The following SMYD3 variants were observed in gnomAD, a reference collection of about 807,000 sequenced individuals.
SMYD3 encodes histone-lysine N-methyltransferase SMYD3.
In SMYD3, 36 loss-of-function variants were observed where a neutral mutation model predicts 57.7. That is an observed-to-expected ratio of 0.62 (90% confidence interval 0.48 to 0.82). The LOEUF is 0.82. SMYD3 is among the 40% of genes least tolerant of loss of function. The pLI, the probability that SMYD3 is intolerant of heterozygous loss-of-function variation, is 0.00. For missense variants in SMYD3, 515 were observed against 538.8 expected (o/e 0.96, Z 0.44); for synonymous variants, 211 against 195.0 (o/e 1.08, Z -0.68).
intron 5 of SMYD3, among the ~76,000 whole-genome samples, chr1:246,028,518 T>A (rs1042400761): frequency 6.6e-6 from 1 of 152,008 alleles, no homozygotes; most frequent in Non-Finnish European, 1.5e-5. Flanking sequence ...AACAATAAAT[T>A]TATTGAAGGA....
chr1:246,023,647 G>T (rs552803662), intron 5 of SMYD3, among the ~76,000 whole-genome samples: 2 of 152,238 alleles, frequency 1.3e-5, no homozygotes, highest in South Asian at 4.1e-4. Flanking sequence ...TGAAGCTCTT[G>T]CTTTCCACTT....
chr1:246,270,303 T>G (rs4654231), intron 5 of SMYD3, among the ~76,000 whole-genome samples: 50,750 of 152,104 alleles, frequency 0.33, 9,347 homozygotes, highest in East Asian at 0.72. Flanking sequence ...TTTTCATTTT[T>G]TATTGCAATA....
intron 5 of SMYD3, among the ~76,000 whole-genome samples, chr1:246,155,903 C>T (rs538069716): frequency 6.6e-6 from 1 of 152,138 alleles, no homozygotes; most frequent in Non-Finnish European, 1.5e-5. Flanking sequence ...AGGAGAATCG[C>T]TTGAATCTCA....
intron 5 of SMYD3, among the ~76,000 whole-genome samples, chr1:246,244,028 TA>T (rs2063663456): frequency 6.6e-6 from 1 of 151,590 alleles, no homozygotes; most frequent in Non-Finnish European, 1.5e-5. Context: ...TATGTGTATA[TA>T]TATATTTTAA....
chr1:246,155,954 T>A (rs1212321550), intron 5 of SMYD3, among the ~76,000 whole-genome samples: 1 of 151,628 alleles, frequency 6.6e-6, no homozygotes, highest in Non-Finnish European at 1.5e-5. Context: ...GCCACTGTAC[T>A]CCAGCCTGGG....
rs113998325 is a variant in SMYD3, at chr1:246,282,058, C to T, written c.531+45143G>A. On this transcript the variant is annotated intron_variant, in intron 5 of 11. Transcript: ENST00000490107. ...TGATGTGAAAAATAGTTCTGCAAGA[C>T]GGGGACTATGTGAATCCAGTTTTAA... Among the ~76,000 whole-genome samples the T allele has an allele frequency of 6.0e-3, 916 of 152,018 alleles. 11 individuals carry two copies. Among genetic ancestry groups the T allele is most frequent in the African/African-American group, 0.021 (852 of 41,468 alleles).
chr1:246,100,528 C>T (rs1286645528), intron 5 of SMYD3, among the ~76,000 whole-genome samples: 1 of 152,174 alleles, frequency 6.6e-6, no homozygotes, highest in Admixed American at 6.5e-5. Flanking sequence ...TTCCCTCCTC[C>T]CTGACTGCTT....
chr1:246,122,081 C>T (rs1219790102), intron 5 of SMYD3, among the ~76,000 whole-genome samples: 1 of 151,766 alleles, frequency 6.6e-6, no homozygotes, highest in African/African-American at 2.4e-5. Context: ...AAAAAAGAAT[C>T]TCCAATATTC....
intron 5 of SMYD3, among the ~76,000 whole-genome samples, chr1:246,190,859 C>CATCAA (rs1266460316): frequency 6.6e-6 from 1 of 151,940 alleles, no homozygotes; most frequent in East Asian, 1.9e-4. Context: ...CAAAGTAGAA[C>CATCAA]AGAAGAAGGA....
chr1:245,846,718 T>C (rs905851722), intron 10 of SMYD3, among the ~76,000 whole-genome samples: 1 of 152,158 alleles, frequency 6.6e-6, no homozygotes, highest in African/African-American at 2.4e-5. Context: ...CAATTACTTT[T>C]CAGTTAAAGA....
At chr1:246,239,329 T>C (rs2063563768) in intron 5 of SMYD3, among the ~76,000 whole-genome samples, 1 of 152,152 alleles carries the variant, frequency 6.6e-6, no homozygotes, top group African/African-American at 2.4e-5. Flanking sequence ...TTCCCACCTA[T>C]GAGTGAGAAC....
At chr1:245,752,640 G>A (rs2045440022) in intron 11 of SMYD3, among the ~76,000 whole-genome samples, 1 of 152,184 alleles carries the variant, frequency 6.6e-6, no homozygotes, top group South Asian at 2.1e-4. Flanking sequence ...CACTGATCCA[G>A]TATATTCCTG....
At chr1:245,927,852 AT>A (rs1179215901) in intron 7 of SMYD3, 78 bp downstream of exon 7, 2 of 1,124,728 alleles carry the variant, frequency 1.8e-6, no homozygotes, top group East Asian at 5.0e-5. Context: ...CTCAGGCACA[AT>A]CAGTTTTAGG....
At chr1:246,117,716 T>C (rs1024456006) in intron 5 of SMYD3, among the ~76,000 whole-genome samples, 6 of 152,218 alleles carry the variant, frequency 3.9e-5, no homozygotes, top group Non-Finnish European at 8.8e-5. Context: ...AGGGTACATG[T>C]GCAGGATGTG....
intron 5 of SMYD3, among the ~76,000 whole-genome samples, chr1:245,935,258 A>G (rs574517692): frequency 8.5e-5 from 13 of 152,370 alleles, no homozygotes; most frequent in African/African-American, 3.1e-4. Context: ...TTGAGTAGAC[A>G]TTTCTCAAAA....
At chr1:246,457,976 T>C (rs61839803) in intron 1 of SMYD3, among the ~76,000 whole-genome samples, 34,985 of 152,190 alleles carry the variant, frequency 0.23, 4,275 homozygotes, top group Middle Eastern at 0.31. Flanking sequence ...ATGACAGTTA[T>C]GATGTTATAT....
At chr1:246,068,363 T>C (rs12724208) in intron 5 of SMYD3, among the ~76,000 whole-genome samples, 17,118 of 151,730 alleles carry the variant, frequency 0.11, 1,062 homozygotes, top group African/African-American at 0.15. Context: ...GGTACAAATA[T>C]GCTATGCTTG....
rs368554688 is a variant in SMYD3 at position 246,186,427 on chromosome 1, G to A, written c.531+140774C>T. Among the ~76,000 whole-genome samples, 14 of 152,214 alleles carry A rather than the reference G, an allele frequency of 9.2e-5. No homozygotes were observed. The East Asian group carries it at 1.7e-3, about 19-fold the overall frequency. On this transcript the variant is annotated intron_variant, in intron 5 of 11. Coordinates refer to ENST00000490107, the MANE Select transcript of SMYD3 (RefSeq NM_001167740.2). ...ACAATTCTAGTACAGCTCAAAGACA[G>A]TGAAAGGCAGAGCTGACCTGATGGT...
At chr1:246,098,274 T>G (rs1195692071) in intron 5 of SMYD3, among the ~76,000 whole-genome samples, 1 of 152,202 alleles carries the variant, frequency 6.6e-6, no homozygotes, top group Non-Finnish European at 1.5e-5. Flanking sequence ...AATAGTTTAT[T>G]TCAAATATTC....
Sources: allele counts gnomAD v4.1 joint callset (sites outside exome capture counted in the v4.1 genomes callset), GRCh38; gene constraint gnomAD v4.1.1; transcripts MANE v1.5; gene names NCBI Gene and HGNC (gene_info 2026-07-23, HGNC 2026-07-21).